CUX1: variants seen among roughly 807,000 people sequenced by gnomAD.
CUX1 encodes cut like homeobox 1, also known as protein CASP.
In CUX1, 31 loss-of-function variants were observed where a neutral mutation model predicts 158.8. The ratio of observed to expected loss-of-function variants is 0.20; its 90% CI spans 0.15 to 0.26. The LOEUF (loss-of-function observed/expected upper bound fraction) is 0.26, where lower values mean the gene tolerates loss of function less well. Among genes scored for constraint, CUX1 ranks in the 10% least tolerant of loss-of-function variants. The pLI, the probability that CUX1 is intolerant of heterozygous loss-of-function variation, is 1.00. For missense variants in CUX1, 1,589 were observed against 2,014.6 expected (o/e 0.79, Z 4.04); for synonymous variants, 879 against 862.1 (o/e 1.02, Z -0.34).
At chr7:102,244,675 G>A (rs1800617017) in intron 23 of CUX1, among the ~76,000 whole-genome samples, 1 of 151,974 alleles carries the variant, frequency 6.6e-6, no homozygotes, top group African/African-American at 2.4e-5. Context: ...GGGGAACAGA[G>A]CAAGACCCTG....
At chr7:101,846,503 A>AT (rs1265799831) in intron 1 of CUX1, among the ~76,000 whole-genome samples, 1 of 151,644 alleles carries the variant, frequency 6.6e-6, no homozygotes, top group Non-Finnish European at 1.5e-5. Context: ...AGCTGATTTT[A>AT]TTTTTTGTAT....
intron 6 of CUX1, among the ~76,000 whole-genome samples, chr7:102,107,206 C>T (rs1830449663): frequency 6.7e-6 from 1 of 150,142 alleles, no homozygotes; most frequent in African/African-American, 2.5e-5. Context: ...TGCAATCCAA[C>T]ATGGGTAACA....
rs900764863 is a variant in CUX1, at chr7:102,252,078, A to T, written c.*3036A>T. 24 of 985,196 alleles carry T rather than the reference A, an allele frequency of 2.4e-5. No individual in the cohort carries two copies. The highest frequency in any genetic ancestry group is 2.7e-5 in the Non-Finnish European group (22 of 829,904). The allele number at this position is 985,196 out of a possible 1,614,324, so 61.0% of individuals were successfully genotyped here. A position where few individuals can be genotyped will look rare whatever the true frequency, so the allele number is the denominator to read the frequency against. ...GGTGCCAGATACAATCAGTTGGTTA[A>T]ATTTTGCTTGCAGTTCTGTGTATTT... On this transcript the variant is annotated 3_prime_UTR_variant, in exon 24 of 24. Transcript: ENST00000292535.
chr7:101,973,517 G>A (rs1745005983), intron 2 of CUX1, among the ~76,000 whole-genome samples: 2 of 152,188 alleles, frequency 1.3e-5, no homozygotes, highest in African/African-American at 4.8e-5. Flanking sequence ...TACAGGGAAA[G>A]TTATGCATAT....
At chr7:102,041,760 C>A (rs532256553) in intron 3 of CUX1, among the ~76,000 whole-genome samples, 16 of 148,184 alleles carry the variant, frequency 1.1e-4, no homozygotes, top group African/African-American at 4.0e-4. Context: ...CTCCACCTCC[C>A]GGGTTCAAGC....
intron 3 of CUX1, among the ~76,000 whole-genome samples, chr7:102,064,985 T>C (rs1344456947): frequency 2.6e-5 from 4 of 152,026 alleles, no homozygotes; most frequent in Non-Finnish European, 4.4e-5. Flanking sequence ...AACTAGGAAG[T>C]CACTGGCTGC....
At chr7:101,868,843 T>G (rs1798191356) in intron 1 of CUX1, among the ~76,000 whole-genome samples, 1 of 151,896 alleles carries the variant, frequency 6.6e-6, no homozygotes, top group African/African-American at 2.4e-5. Context: ...ATGGGAGCAG[T>G]GGCTTGGGAA....
intron 1 of CUX1, among the ~76,000 whole-genome samples, chr7:101,856,978 AC>A (rs1242155560): frequency 6.6e-6 from 1 of 151,176 alleles, no homozygotes; most frequent in East Asian, 1.9e-4. Flanking sequence ...TCCTGGGCGC[AC>A]CCTCCCTCTC....
At position 102,201,383 on chromosome 7, in the gene CUX1, G is replaced by T; in HGVS notation, c.2086G>T (p.Ala696Ser). 1 of 1,613,624 alleles carries T rather than the reference G, an allele frequency of 6.2e-7. No individual in the cohort carries two copies. Residue 696 changes from alanine to serine, a missense_variant, in exon 18 of 24, where the codon GCA (alanine) becomes TCA (serine). Coordinates refer to ENST00000292535, the MANE Select transcript of CUX1 (RefSeq NM_181552.4). This position sits in a 1 kb window ranked among gnomAD's most constrained non-coding sequence, Gnocchi z 5.0. ...AGCAGAGCCGGCCCAGCCTTCCTCC[G>T]CATCCGGCAGCGGGAACTCTGATGA... ...KTAEPAQPSSASGSGNSDDAI... is the reference protein window; with the variant it reads ...KTAEPAQPSSSSGSGNSDDAI...
At chr7:101,922,153 A>G (rs140042768) in intron 2 of CUX1, among the ~76,000 whole-genome samples, 2 of 152,210 alleles carry the variant, frequency 1.3e-5, no homozygotes, top group Non-Finnish European at 2.9e-5. Context: ...ACAATTAATC[A>G]TCTTACAAAT....
intron 2 of CUX1, among the ~76,000 whole-genome samples, chr7:101,920,911 G>A (rs1428457515): frequency 6.6e-6 from 1 of 151,848 alleles, no homozygotes; most frequent in Non-Finnish European, 1.5e-5. Context: ...CTGTGGCCTC[G>A]ATGTCCTGAG....
chr7:101,822,762 G>A (rs138479688), intron 1 of CUX1, among the ~76,000 whole-genome samples: 431 of 152,190 alleles, frequency 2.8e-3, no homozygotes, highest in African/African-American at 9.8e-3. Flanking sequence ...TTAGCCTGGC[G>A]TGGTGGCGCA....
At chr7:102,093,046 T>C (rs1212609540) in intron 4 of CUX1, among the ~76,000 whole-genome samples, 2 of 151,948 alleles carry the variant, frequency 1.3e-5, no homozygotes, top group Non-Finnish European at 2.9e-5. Flanking sequence ...TTATCTCTGC[T>C]ATGAGGCTGA....
chr7:101,887,516 C>T (rs1800353711), intron 1 of CUX1, among the ~76,000 whole-genome samples: 1 of 151,886 alleles, frequency 6.6e-6, no homozygotes, highest in Non-Finnish European at 1.5e-5. Flanking sequence ...GCTATGTTGC[C>T]CAGGCTGGTC....
chr7:101,927,003 A>G (rs894485090), intron 2 of CUX1, among the ~76,000 whole-genome samples: 2 of 152,182 alleles, frequency 1.3e-5, no homozygotes, highest in African/African-American at 2.4e-5. Context: ...AATGATGCAC[A>G]AGATAATTTC....
chr7:101,913,309 G>C (rs543746260), intron 1 of CUX1: 1 of 1,230,564 alleles, frequency 8.1e-7, no homozygotes, highest in Non-Finnish European at 1.1e-6. Context: ...GGAGACCCCC[G>C]TGGGTTTCCC....
rs1801202391 is a variant in CUX1, at chr7:102,249,194, C to G, written c.*152C>G. The G allele has an allele frequency of 1.8e-6, 2 of 1,122,006 alleles. No individual in the cohort carries two copies. The highest frequency in any genetic ancestry group is 1.1e-6 in the Non-Finnish European group (1 of 915,500). The allele number at this position is 1,122,006 out of a possible 1,614,324, so 69.5% of individuals were successfully genotyped here. A position where few individuals can be genotyped will look rare whatever the true frequency, so the allele number is the denominator to read the frequency against. On this transcript the variant is annotated 3_prime_UTR_variant, in exon 24 of 24. Transcript: ENST00000292535. ...CCTGAGCCCGCAGCCCAGACCCCCTCCACGGTCCGCGGCCTGCACCGACCC... is the reference window on the plus strand; with the variant it reads ...CCTGAGCCCGCAGCCCAGACCCCCTGCACGGTCCGCGGCCTGCACCGACCC...
In CUX1 at chr7:102,223,041, T is replaced by A. The variant is rs181562624; in HGVS notation, c.3131-4326T>A. Among the ~76,000 whole-genome samples the A allele has an allele frequency of 3.6e-3, 545 of 151,296 alleles. 8 individuals carry two copies. The highest frequency in any genetic ancestry group is 0.03 in the East Asian group (151 of 5,016). On this transcript the variant is annotated intron_variant, in intron 20 of 23. Coordinates refer to ENST00000292535, the MANE Select transcript of CUX1 (RefSeq NM_181552.4). ...CTGGTCTCGAACTCCTGACTTAAGG[T>A]GATCTGCCCACCTCAGCCTCCCAAA...
chr7:102,267,608 G>A (rs116249995), intron 14 of CUX1, among the ~76,000 whole-genome samples: 4,151 of 152,190 alleles, frequency 0.027, 212 homozygotes, highest in African/African-American at 0.095. Context: ...CGCTGGCCTC[G>A]CTATGATAAG....
Sources: gnomAD v4.1 joint callset for allele counts (sites outside exome capture counted in the v4.1 genomes callset) on GRCh38, gnomAD v4.1.1 for gene constraint, Gnocchi (gnomAD v3.1) non-coding constraint, MANE v1.5 for transcripts, NCBI Gene and HGNC (gene_info 2026-07-23, HGNC 2026-07-21) for gene names.